The following SPAG16 variants were observed in gnomAD, a reference collection of about 807,000 sequenced individuals.
SPAG16 encodes the protein sperm associated antigen 16.
A neutral mutation model predicts 80.4 loss-of-function variants in SPAG16; 86 were observed. The observed-to-expected ratio is 1.07, with a 90% CI of 0.90 to 1.28. SPAG16 has a LOEUF of 1.28. Ranked by LOEUF, SPAG16 falls within the 50% of genes most tolerant of loss-of-function variation. The probability of loss-of-function intolerance (pLI) is 0.00; values close to 1 mark genes in which losing one functional copy is unlikely to be tolerated. For missense variants in SPAG16, 870 were observed against 765.3 expected (o/e 1.14, Z -1.61); for synonymous variants, 294 against 265.9 (o/e 1.11, Z -1.03).
At chr2:213,326,179 A>T (rs2063831599) in intron 5 of SPAG16, among the ~76,000 whole-genome samples, 1 of 152,050 alleles carries the variant, frequency 6.6e-6, no homozygotes. Context: ...AAAAACTGCC[A>T]TTTAAAAAAT....
intron 13 of SPAG16, among the ~76,000 whole-genome samples, chr2:214,018,241 A>G (rs891994114): frequency 6.6e-6 from 1 of 152,164 alleles, no homozygotes; most frequent in Non-Finnish European, 1.5e-5. Flanking sequence ...CATTTCAGAT[A>G]TAGCTAATTT....
intron 15 of SPAG16, chr2:214,240,477 A>T (rs1319176991): frequency 1.3e-5 from 2 of 152,152 alleles, no homozygotes; most frequent in African/African-American, 4.8e-5. Flanking sequence ...AAGATATCTG[A>T]TTTCTATTCC....
At chr2:213,531,632 A>G (rs1413194749) in intron 10 of SPAG16, among the ~76,000 whole-genome samples, 1 of 152,074 alleles carries the variant, frequency 6.6e-6, no homozygotes, top group Non-Finnish European at 1.5e-5. Flanking sequence ...CCAAAGATAT[A>G]TGGATCTTTT....
intron 15 of SPAG16, among the ~76,000 whole-genome samples, chr2:214,268,303 A>G (rs1160606916): frequency 6.6e-6 from 1 of 151,852 alleles, no homozygotes; most frequent in South Asian, 2.1e-4. Context: ...CTGTATATAT[A>G]TATCCAAAGG....
intron 9 of SPAG16, among the ~76,000 whole-genome samples, chr2:213,380,759 A>G (rs1343561003): frequency 6.6e-6 from 1 of 152,156 alleles, no homozygotes; most frequent in Non-Finnish European, 1.5e-5. Context: ...GCTGTGATTC[A>G]CCTATGGAGG....
chr2:213,549,193 A>T (rs2076709076), intron 10 of SPAG16, among the ~76,000 whole-genome samples: 2 of 152,002 alleles, frequency 1.3e-5, no homozygotes, highest in African/African-American at 4.8e-5. Context: ...CTTCAAAAAG[A>T]CCTATAATAT....
At chr2:213,296,809 T>A (rs1163559894) in intron 2 of SPAG16, among the ~76,000 whole-genome samples, 1 of 152,226 alleles carries the variant, frequency 6.6e-6, no homozygotes, top group Non-Finnish European at 1.5e-5. Context: ...GTGTTAAGTC[T>A]TAACTGTCAT....
At chr2:213,630,964 A>G (rs1212150458) in intron 10 of SPAG16, among the ~76,000 whole-genome samples, 1 of 152,204 alleles carries the variant, frequency 6.6e-6, no homozygotes, top group Non-Finnish European at 1.5e-5. Flanking sequence ...TGGTGGCACA[A>G]TATAAACACT....
chr2:213,959,805 A>ACACG (rs1465159391), intron 12 of SPAG16, among the ~76,000 whole-genome samples: 10 of 152,158 alleles, frequency 6.6e-5, no homozygotes, highest in African/African-American at 2.4e-4. Flanking sequence ...GTCTCACCTG[A>ACACG]CACGCACACA....
intron 3 of SPAG16, among the ~76,000 whole-genome samples, chr2:213,304,624 C>T (rs569852479): frequency 6.6e-5 from 10 of 152,164 alleles, no homozygotes; most frequent in South Asian, 4.1e-4. Context: ...CACCATTCAT[C>T]GAAGACACTG....
chr2:214,384,962 C>T (rs1700665084), intron 15 of SPAG16, among the ~76,000 whole-genome samples: 1 of 152,192 alleles, frequency 6.6e-6, no homozygotes, highest in Non-Finnish European at 1.5e-5. Flanking sequence ...CAATGAGATC[C>T]ATTTTAACAT....
chr2:214,375,604 G>C (rs925248618), intron 15 of SPAG16, among the ~76,000 whole-genome samples: 16 of 152,050 alleles, frequency 1.1e-4, no homozygotes, highest in Non-Finnish European at 2.2e-4. Context: ...CAGCAATACT[G>C]TTCCTGAAAT....
chr2:213,380,862 CT>C (rs1337038148), intron 9 of SPAG16, among the ~76,000 whole-genome samples: 4 of 152,142 alleles, frequency 2.6e-5, no homozygotes, highest in African/African-American at 7.2e-5. Flanking sequence ...TGTTCTGGAC[CT>C]CACTCAAAAC....
intron 10 of SPAG16, among the ~76,000 whole-genome samples, chr2:213,638,734 T>G (rs897260331): frequency 3.3e-5 from 5 of 152,180 alleles, no homozygotes; most frequent in Admixed American, 6.5e-5. Context: ...CTAGGTAGAA[T>G]GTTCTGTAGG....
intron 10 of SPAG16, among the ~76,000 whole-genome samples, chr2:213,511,447 G>A (rs2075222739): frequency 6.6e-6 from 1 of 151,882 alleles, no homozygotes; most frequent in Non-Finnish European, 1.5e-5. Context: ...ATTTTTGTTA[G>A]GGGTAATTTT....
At chr2:214,032,044 T>A (rs977074769) in intron 13 of SPAG16, among the ~76,000 whole-genome samples, 1 of 152,214 alleles carries the variant, frequency 6.6e-6, no homozygotes, top group Non-Finnish European at 1.5e-5. Context: ...TTGCTCATAG[T>A]GTTCCCATAG....
intron 10 of SPAG16, among the ~76,000 whole-genome samples, chr2:213,575,275 C>T (rs988805106): frequency 2.0e-4 from 31 of 152,166 alleles, no homozygotes; most frequent in East Asian, 1.9e-4. Context: ...ATATTACTTG[C>T]GAATTTTCAT....
intron 15 of SPAG16, among the ~76,000 whole-genome samples, chr2:214,386,887 C>T (rs1231228053): frequency 8.0e-6 from 1 of 125,152 alleles, no homozygotes; most frequent in African/African-American, 3.3e-5. Context: ...AAAAAAAAAA[C>T]AACTATGAAA....
intron 11 of SPAG16, among the ~76,000 whole-genome samples, chr2:213,913,610 C>T (rs201184399): frequency 0.014 from 121 of 8,756 alleles, 1 homozygote; most frequent in South Asian, 0.04. Flanking sequence ...TGTACATGTA[C>T]ATATATGTAT....
Sources: gnomAD v4.1 joint callset for allele counts (sites outside exome capture counted in the v4.1 genomes callset) on GRCh38, gnomAD v4.1.1 for gene constraint, MANE v1.5 for transcripts, NCBI Gene and HGNC (gene_info 2026-07-23, HGNC 2026-07-21) for gene names.